Variants in CPNE3 observed in about 807,000 individuals in gnomAD.
The protein encoded by CPNE3 is copine 3, also known as copine-3.
In CPNE3, 68 loss-of-function variants were observed where a neutral mutation model predicts 63.9. The ratio of observed to expected loss-of-function variants is 1.06; its 90% confidence interval spans 0.87 to 1.30. The LOEUF (loss-of-function observed/expected upper bound fraction) is 1.30. Ranked by LOEUF, CPNE3 falls within the 50% of genes most tolerant of loss-of-function variation. CPNE3 has a pLI of 0.00. For missense variants in CPNE3, 665 were observed against 578.1 expected (o/e 1.15, Z -1.54); for synonymous variants, 219 against 197.5 (o/e 1.11, Z -0.91).
intron 14 of CPNE3, among the ~76,000 whole-genome samples, chr8:86,552,309 C>A (rs1821198989): frequency 6.6e-6 from 1 of 152,170 alleles, no homozygotes; most frequent in Non-Finnish European, 1.5e-5. Context: ...CCCCAGAACA[C>A]TTTTTCCATA....
chr8:86,544,889 T>C (rs1821014822), intron 9 of CPNE3, 51 bp downstream of exon 9: 1 of 1,108,320 alleles, frequency 9.0e-7, no homozygotes, highest in Non-Finnish European at 1.3e-6. Flanking sequence ...GCTATGTATT[T>C]ATTACTGTAT....
At position 86,556,181 on chromosome 8, in the gene CPNE3, C is replaced by G. The variant is rs1430297046; in HGVS notation, c.1334C>G (p.Ser445Cys). Residue 445 changes from serine (S) to cysteine (C), a missense_variant, in exon 16 of 17, where the codon TCC becomes TGC. Coordinates refer to ENST00000517490, the MANE Select transcript of CPNE3 (RefSeq NM_003909.5). ...ACCAGACAAGCTATAGTTAATGCCT[C>G]CAGGCTGCCTATGTCCATCATAATT... ...DETRQAIVNA[S>C]RLPMSIIIVG... 1.1e-6 allele frequency: 1 copy of G among 873,046 alleles called. No individual in the cohort carries two copies. 54.1% of individuals were successfully genotyped at this position (873,046 alleles called of 1,614,324 possible).
chr8:86,530,574 A>T (rs1037338509), intron 4 of CPNE3, among the ~76,000 whole-genome samples: 1 of 152,210 alleles, frequency 6.6e-6, no homozygotes. Context: ...TTTCCATTAC[A>T]AGGAACAATT....
At chr8:86,556,448 C>G (rs533122360) in intron 16 of CPNE3, 110 bp downstream of exon 16, 1 of 752,346 alleles carries the variant, frequency 1.3e-6, no homozygotes, top group South Asian at 1.5e-5. Flanking sequence ...TGTGTGAACA[C>G]TTTCCTTTGT....
intron 2 of CPNE3, among the ~76,000 whole-genome samples, chr8:86,522,564 T>G (rs1444354232): frequency 8.8e-5 from 13 of 147,730 alleles, no homozygotes; most frequent in Non-Finnish European, 1.9e-4. Context: ...TTTTTTTTTT[T>G]TTTTTTTTTT....
rs750381139 is a variant in CPNE3 at position 86,528,595 on chromosome 8, A to G, written c.50A>G (p.Asn17Ser). 2.0e-5 allele frequency: 32 copies of G among 1,614,088 alleles called. No homozygotes were observed. In the Admixed American group the frequency reaches 4.8e-4, roughly 24 times the overall value. The change falls in exon 3 of 17, where the codon AAT becomes AGT. Residue 17 changes from asparagine (N) to serine (S), a missense_variant. Asn to Ser is a conservative substitution (Grantham distance 46). Transcript: ENST00000517490. ...TKVALNVSCA[N>S]LLDKDIGSKS... ...GTGGCGCTGAATGTTTCCTGTGCCA[A>G]TCTTTTGGATAAAGATATAGGGTCA...
intron 11 of CPNE3, 110 bp downstream of exon 11, chr8:86,547,880 A>G (rs1401527544): frequency 7.5e-6 from 5 of 667,932 alleles, no homozygotes; most frequent in African/African-American, 3.6e-5. Context: ...TCTGTTTAGC[A>G]TAGTCCTCTT....
chr8:86,514,987 A>G (rs1225655132), intron 1 of CPNE3, among the ~76,000 whole-genome samples: 1 of 152,144 alleles, frequency 6.6e-6, no homozygotes, highest in East Asian at 1.9e-4. Flanking sequence ...TACCCACACC[A>G]CGTCCGTGGT....
intron 15 of CPNE3, 48 bp downstream of exon 15, chr8:86,555,032 G>T: frequency 6.2e-7 from 1 of 1,607,116 alleles, no homozygotes; most frequent in Non-Finnish European, 8.5e-7. Context: ...ATTGGTAGCA[G>T]CTCCTGGTGC....
chr8:86,541,433 G>A (rs2131470164), intron 8 of CPNE3, among the ~76,000 whole-genome samples: 1 of 152,180 alleles, frequency 6.6e-6, no homozygotes, highest in Non-Finnish European at 1.5e-5. Flanking sequence ...GCCGGGCATG[G>A]TGGCTCAGGC....
At chr8:86,551,506 G>A (rs1476686964) in intron 14 of CPNE3, 2 of 318,974 alleles carry the variant, frequency 6.3e-6, no homozygotes, top group Non-Finnish European at 1.1e-5. Flanking sequence ...AACTTTAATA[G>A]GACAAAAACA....
intron 14 of CPNE3, among the ~76,000 whole-genome samples, chr8:86,552,962 G>GCCCCCCCCCCCC (rs1173984951): frequency 2.8e-4 from 1 of 3,510 alleles, no homozygotes; most frequent in Admixed American, 5.8e-3. Flanking sequence ...GCCACAGCCC[G>GCCCCCCCCCCCC]CCCCCCCCCC....
intron 8 of CPNE3, among the ~76,000 whole-genome samples, chr8:86,544,204 T>C (rs17682647): frequency 0.054 from 8,271 of 152,260 alleles, 317 homozygotes; most frequent in Non-Finnish European, 0.087. Flanking sequence ...ATGATGCAAA[T>C]CTGGCTTCAT....
At chr8:86,524,280 C>T (rs1211367073) in intron 2 of CPNE3, among the ~76,000 whole-genome samples, 4 of 152,110 alleles carry the variant, frequency 2.6e-5, no homozygotes, top group African/African-American at 9.7e-5. Context: ...TCAGCCAGGG[C>T]ATGGGAATGA....
intron 9 of CPNE3, among the ~76,000 whole-genome samples, chr8:86,546,026 A>G (rs1821040674): frequency 6.6e-6 from 1 of 152,068 alleles, no homozygotes; most frequent in Admixed American, 6.5e-5. Context: ...GGGAAGGAAG[A>G]TCATTCTTTT....
At chr8:86,519,995 A>G (rs1820397499) in intron 2 of CPNE3, among the ~76,000 whole-genome samples, 1 of 151,890 alleles carries the variant, frequency 6.6e-6, no homozygotes, top group African/African-American at 2.4e-5. Context: ...TACAGGCGTG[A>G]GCCACCGCAC....
intron 5 of CPNE3, among the ~76,000 whole-genome samples, chr8:86,531,750 AAT>A (rs1820688602): frequency 6.6e-6 from 1 of 152,140 alleles, no homozygotes; most frequent in African/African-American, 2.4e-5. Flanking sequence ...TAAGCAAATG[AAT>A]ATATGCTTTA....
chr8:86,552,088 G>C (rs993172177), intron 14 of CPNE3, among the ~76,000 whole-genome samples: 3 of 152,212 alleles, frequency 2.0e-5, no homozygotes, highest in Non-Finnish European at 4.4e-5. Flanking sequence ...AAAGAGTTTG[G>C]AGAAGGCAAG....
chr8:86,557,186 G>C (rs983072003), intron 16 of CPNE3, among the ~76,000 whole-genome samples: 5 of 152,178 alleles, frequency 3.3e-5, no homozygotes, highest in African/African-American at 1.2e-4. Context: ...GTCTTGCTCT[G>C]TCACCCAGGC....
Sources: gnomAD v4.1 joint callset for allele counts (sites outside exome capture counted in the v4.1 genomes callset) on GRCh38, gnomAD v4.1.1 for gene constraint, MANE v1.5 for transcripts, NCBI Gene and HGNC (gene_info 2026-07-23, HGNC 2026-07-21) for gene names.